The following SGCD variants were observed in gnomAD, a reference collection of about 807,000 sequenced individuals.
SGCD encodes sarcoglycan delta, also known as delta-sarcoglycan.
SGCD carries 18 observed loss-of-function variants against 36.6 expected under a neutral mutation model. The observed-to-expected ratio is 0.49, with a 90% CI of 0.34 to 0.73. The LOEUF is 0.73. SGCD is among the 30% of genes least tolerant of loss of function. SGCD has a pLI of 0.01. For synonymous variants in SGCD, 133 were observed against 130.6 expected, an observed-to-expected ratio of 1.02 and a Z score of -0.12; for missense variants, 387 against 346.7, an observed-to-expected ratio of 1.12 and a Z score of -0.92.
chr5:155,752,898 A>G, the SGCD span, among the ~76,000 whole-genome samples: 1 of 152,308 alleles, frequency 6.6e-6, no homozygotes, highest in East Asian at 1.9e-4. Context: ...AGAGCATTTT[A>G]GAAGAGCTTT....
At position 156,567,377 on chromosome 5, in the gene SGCD, A is replaced by AATAGATAG. The variant is rs35083006; in HGVS notation, c.295-21807_295-21800dup. Among the ~76,000 whole-genome samples the AATAGATAG allele has an allele frequency of 6.1e-3, 809 of 131,832 alleles. 9 individuals are homozygous for AATAGATAG. Among genetic ancestry groups the AATAGATAG allele is most frequent in the East Asian group, 8.9e-3 (38 of 4,260 alleles). 86.5% of individuals were successfully genotyped at this position (131,832 alleles called of 152,430 possible). ...GGAGGGAGGGAGGGATGGATAGATA[A>AATAGATAG]ATAGATAGATAGATAGATAGATAGA... On this transcript the variant is annotated intron_variant, in intron 4 of 8. Coordinates refer to ENST00000337851, the MANE Select transcript of SGCD (RefSeq NM_000337.6).
chr5:156,535,796 T>C (rs1758080249), intron 4 of SGCD, among the ~76,000 whole-genome samples: 1 of 152,196 alleles, frequency 6.6e-6, no homozygotes, highest in African/African-American at 2.4e-5. Flanking sequence ...CAAAATGTTA[T>C]TGCCTGTCCT....
chr5:155,845,733 T>C, the SGCD span, among the ~76,000 whole-genome samples: 13 of 152,220 alleles, frequency 8.5e-5, no homozygotes, highest in East Asian at 2.5e-3. Context: ...TGCCTTTTTA[T>C]ATTTCACACA....
intron 1 of SGCD, among the ~76,000 whole-genome samples, chr5:156,015,571 C>T (rs2127571887): frequency 6.6e-6 from 1 of 151,636 alleles, no homozygotes; most frequent in Non-Finnish European, 1.5e-5. Flanking sequence ...GTTTACCAGA[C>T]AGAAAAAGGG....
At chr5:156,017,976 G>A (rs1033641238) in intron 1 of SGCD, among the ~76,000 whole-genome samples, 9 of 151,958 alleles carry the variant, frequency 5.9e-5, no homozygotes, top group East Asian at 1.9e-4. Flanking sequence ...CCTGGGCACC[G>A]TAGGGAGACT....
the SGCD span, among the ~76,000 whole-genome samples, chr5:155,774,498 C>A: frequency 2.2e-4 from 33 of 152,298 alleles, no homozygotes; most frequent in Non-Finnish European, 1.6e-4. Context: ...ATCCATTTCA[C>A]TGTGCTGAAG....
intron 3 of SGCD, among the ~76,000 whole-genome samples, chr5:156,419,892 G>T (rs1425840919): frequency 6.6e-6 from 1 of 152,078 alleles, no homozygotes; most frequent in African/African-American, 2.4e-5. Context: ...AAAGCTTTGA[G>T]AATAAGCTTG....
intron 3 of SGCD, among the ~76,000 whole-genome samples, chr5:156,279,366 A>G (rs966591242): frequency 3.3e-5 from 5 of 152,228 alleles, no homozygotes; most frequent in Non-Finnish European, 5.9e-5. Context: ...TTTCAAATTT[A>G]GATCATGTGT....
intron 3 of SGCD, among the ~76,000 whole-genome samples, chr5:156,143,088 C>G (rs751731605): frequency 6.6e-6 from 1 of 152,236 alleles, no homozygotes; most frequent in Non-Finnish European, 1.5e-5. Context: ...CCCCATTTCC[C>G]TGAGCGACCT....
chr5:156,449,130 A>T (rs1390036849), intron 3 of SGCD, among the ~76,000 whole-genome samples: 2 of 152,106 alleles, frequency 1.3e-5, no homozygotes, highest in African/African-American at 4.8e-5. Flanking sequence ...CATCTGTGCT[A>T]TGTCTTCTTT....
intron 3 of SGCD, among the ~76,000 whole-genome samples, chr5:156,445,385 A>G (rs1188166239): frequency 3.3e-5 from 5 of 152,168 alleles, no homozygotes; most frequent in African/African-American, 7.2e-5. Context: ...AATGGTTACA[A>G]AATAGGAATG....
At chr5:155,898,433 T>A (rs1040553550) in intron 1 of SGCD, among the ~76,000 whole-genome samples, 15 of 152,202 alleles carry the variant, frequency 9.9e-5, no homozygotes, top group Admixed American at 9.2e-4. Context: ...TCATAGTCTT[T>A]TAGATGAGGC....
chr5:156,621,852 G>A (rs1762264429), intron 6 of SGCD, among the ~76,000 whole-genome samples: 1 of 152,188 alleles, frequency 6.6e-6, no homozygotes, highest in Non-Finnish European at 1.5e-5. Context: ...CGTAGCAGGT[G>A]TTGTTCTCAT....
At chr5:155,829,817 T>C in the SGCD span, among the ~76,000 whole-genome samples, 1 of 152,070 alleles carries the variant, frequency 6.6e-6, no homozygotes, top group Non-Finnish European at 1.5e-5. Flanking sequence ...TATTAGAGGA[T>C]TGAGTGAGAA....
intron 1 of SGCD, among the ~76,000 whole-genome samples, chr5:155,959,586 GTGAGA>G (rs1490345699): frequency 6.6e-6 from 1 of 152,036 alleles, no homozygotes; most frequent in African/African-American, 2.4e-5. Flanking sequence ...GAGAATTTTG[GTGAGA>G]TGCCTTTAAA....
chr5:156,549,911 A>C (rs1461911941), intron 4 of SGCD, among the ~76,000 whole-genome samples: 1 of 152,268 alleles, frequency 6.6e-6, no homozygotes, highest in African/African-American at 2.4e-5. Flanking sequence ...AACTGAATGC[A>C]AATAACCCTT....
chr5:156,497,108 A>C (rs2127857152), intron 3 of SGCD, among the ~76,000 whole-genome samples: 1 of 152,138 alleles, frequency 6.6e-6, no homozygotes, highest in South Asian at 2.1e-4. Flanking sequence ...CTGGTTCCAA[A>C]GCTTATATTC....
At chr5:156,376,111 G>A (rs1329236264) in intron 3 of SGCD, among the ~76,000 whole-genome samples, 5 of 152,210 alleles carry the variant, frequency 3.3e-5, no homozygotes, top group African/African-American at 1.2e-4. Flanking sequence ...TAACAAAATA[G>A]TTTGTTGCTC....
chr5:156,634,004 A>C (rs532104077), intron 6 of SGCD, among the ~76,000 whole-genome samples: 3 of 152,298 alleles, frequency 2.0e-5, no homozygotes, highest in African/African-American at 7.2e-5. Flanking sequence ...TCACCTCCCT[A>C]GTGATAACTC....
Sources: gnomAD v4.1 joint callset for allele counts (sites outside exome capture counted in the v4.1 genomes callset) on GRCh38, gnomAD v4.1.1 for gene constraint, MANE v1.5 for transcripts, NCBI Gene and HGNC (gene_info 2026-07-23, HGNC 2026-07-21) for gene names.